The following ANK2 variants were observed in gnomAD, a reference collection of about 807,000 sequenced individuals.
ANK2 encodes ankyrin 2, also known as ankyrin-2.
Under a neutral mutation model 360.5 loss-of-function variants are expected in ANK2, and 83 were observed. The ratio of observed to expected loss-of-function variants is 0.23; its 90% confidence interval spans 0.19 to 0.28. The LOEUF (loss-of-function observed/expected upper bound fraction) is 0.28, where lower values mean the gene tolerates loss of function less well. Ranked by LOEUF, ANK2 falls within the 10% of genes least tolerant of loss-of-function variation. ANK2 has a pLI of 1.00. For synonymous variants in ANK2, 1,740 were observed against 1,759.5 expected, an observed-to-expected ratio of 0.99 and a Z score of 0.28; for missense variants, 4,201 against 4,795.7, an observed-to-expected ratio of 0.88 and a Z score of 3.66.
At chr4:113,287,055 G>A (rs1164350553) in intron 18 of ANK2, among the ~76,000 whole-genome samples, 2 of 152,166 alleles carry the variant, frequency 1.3e-5, no homozygotes, top group Non-Finnish European at 2.9e-5. Flanking sequence ...TGATGGTGCT[G>A]TATAAATAAT....
At chr4:112,927,061 A>G (rs775583214) in intron 2 of ANK2, among the ~76,000 whole-genome samples, 2 of 152,158 alleles carry the variant, frequency 1.3e-5, no homozygotes, top group African/African-American at 2.4e-5. Context: ...CTGGTGGGAA[A>G]TTACTCATTA....
rs897929715 is a variant in ANK2, at chr4:112,941,209, A to G, written c.21+36695A>G. On this transcript the variant is annotated intron_variant, in intron 2 of 30. Coordinates refer to the ANK2 transcript ENST00000503271. The stretch of plus-strand genomic sequence containing the variant: ...AAAGGATATTAAAAAAGAACATTTA[A>G]CTATATGAACCTAATTCGGTTAAAA... Among the ~76,000 whole-genome samples the G allele has an allele frequency of 6.0e-5, 9 of 151,084 alleles. No homozygotes were observed. In the East Asian group the frequency reaches 1.7e-3, roughly 29 times the overall value.
chr4:113,019,025 T>C (rs529650573), intron 2 of ANK2, among the ~76,000 whole-genome samples: 2 of 152,208 alleles, frequency 1.3e-5, no homozygotes, highest in Admixed American at 6.5e-5. Flanking sequence ...AACTTCCTTT[T>C]TGAGCATTTA....
At chr4:112,997,189 T>C (rs777046013) in intron 2 of ANK2, among the ~76,000 whole-genome samples, 1 of 152,196 alleles carries the variant, frequency 6.6e-6, no homozygotes, top group Non-Finnish European at 1.5e-5. Flanking sequence ...ATGTATGCAC[T>C]GTGGAATGGC....
At chr4:113,284,180 G>T (rs188139321) in intron 18 of ANK2, among the ~76,000 whole-genome samples, 1 of 152,310 alleles carries the variant, frequency 6.6e-6, no homozygotes, top group Admixed American at 6.5e-5. Flanking sequence ...GAAATTCCGT[G>T]TATCAGATGG....
At chr4:113,249,236 A>C (rs1415495844) in intron 9 of ANK2, among the ~76,000 whole-genome samples, 1 of 152,242 alleles carries the variant, frequency 6.6e-6, no homozygotes, top group Non-Finnish European at 1.5e-5. Context: ...TCACTTTTGC[A>C]AGCATTAGGA....
chr4:113,034,618 T>A (rs1238273789), intron 2 of ANK2: 7 of 152,016 alleles, frequency 4.6e-5, no homozygotes, highest in African/African-American at 1.7e-4. Flanking sequence ...AGCAGGTGCA[T>A]AATAATGTTT....
the ANK2 span, among the ~76,000 whole-genome samples, chr4:112,763,964 G>C: frequency 6.6e-6 from 1 of 152,012 alleles, no homozygotes; most frequent in Admixed American, 6.6e-5. Context: ...TTTGTTTTGA[G>C]AGGGAGTCTG....
At position 113,282,761 on chromosome 4, in the gene ANK2, C is replaced by T. The variant is rs2062888587; in HGVS notation, c.1968C>T (p.Asn656=). The T allele has an allele frequency of 6.2e-7, 1 of 1,613,790 alleles. No homozygotes were observed. Among genetic ancestry groups the T allele is most frequent in the South Asian group, 1.1e-5 (1 of 91,074 alleles). The change falls in exon 18 of 46, where the codon AAC becomes AAT. Residue 656 remains asparagine (N), a synonymous_variant. Coordinates refer to ENST00000357077, the MANE Select transcript of ANK2 (RefSeq NM_001148.6). ...TCCTGAACTATGGAGCAGAGACAAA[C>T]ATTGTGACAAAGCAAGGAGTAACTC... The part of the protein sequence containing the change: ...STLLNYGAET[N]IVTKQGVTPL...
chr4:113,231,307 C>G (rs2099300481), intron 4 of ANK2, among the ~76,000 whole-genome samples: 1 of 152,086 alleles, frequency 6.6e-6, no homozygotes, highest in Non-Finnish European at 1.5e-5. Flanking sequence ...CCACCTCGAC[C>G]TCCCAAAGTG....
At chr4:113,102,311 C>G (rs905282096) in intron 1 of ANK2, among the ~76,000 whole-genome samples, 1 of 151,982 alleles carries the variant, frequency 6.6e-6, no homozygotes, top group African/African-American at 2.4e-5. Flanking sequence ...GTACTATTCA[C>G]TTAGATGGGG....
At position 113,264,954 on chromosome 4, in the gene ANK2, T is replaced by A; in HGVS notation, c.1444T>A (p.Cys482Ser). Residue 482 changes from cysteine to serine, a missense_variant, in exon 14 of 46, where the codon TGC (cysteine) becomes AGC (serine). Cys to Ser is a moderately radical substitution (Grantham distance 112, BLOSUM62 -1). Around this residue, in one of 4 missense-constraint regions of ANK2, gnomAD observed 1,268 missense variants for 1,650.8 expected, o/e 0.77. Transcript: ENST00000357077. ...AGCCGGGCAGGTGGAAGTGGTCCGA[T>A]GCCTCCTGAGAAATGGTGCCCTTGT... Reference protein sequence around the residue: ...ARAGQVEVVRCLLRNGALVDA... With the variant: ...ARAGQVEVVRSLLRNGALVDA... 1 of 1,568,764 alleles carries A rather than the reference T, an allele frequency of 6.4e-7. No homozygotes were observed. The highest frequency in any genetic ancestry group is 8.7e-7 in the Non-Finnish European group (1 of 1,155,724).
At chr4:112,875,593 C>T (rs374695814) in intron 1 of ANK2, among the ~76,000 whole-genome samples, 1 of 152,118 alleles carries the variant, frequency 6.6e-6, no homozygotes, top group South Asian at 2.1e-4. Context: ...ACCTCAGCCT[C>T]CCAAAGTGTT....
the ANK2 span, among the ~76,000 whole-genome samples, chr4:112,794,245 T>C: frequency 2.6e-5 from 4 of 152,236 alleles, no homozygotes; most frequent in Non-Finnish European, 2.9e-5. Context: ...TGCATGGATT[T>C]CTAACTTGGA....
chr4:112,878,517 A>G (rs9760421), intron 1 of ANK2, among the ~76,000 whole-genome samples: 88,367 of 151,492 alleles, frequency 0.58, 26,629 homozygotes, highest in East Asian at 0.84. Context: ...AGTAGAAGGG[A>G]GTTTCACCAT....
chr4:112,996,901 C>T (rs916326633), intron 2 of ANK2, among the ~76,000 whole-genome samples: 2 of 152,096 alleles, frequency 1.3e-5, no homozygotes, highest in African/African-American at 4.8e-5. Context: ...CCCCAGCCCC[C>T]TACTACCTTT....
chr4:112,863,514 C>CTTTTT (rs952398354), intron 1 of ANK2, among the ~76,000 whole-genome samples: 5 of 106,988 alleles, frequency 4.7e-5, no homozygotes, highest in Non-Finnish European at 7.7e-5. Flanking sequence ...TTTAGAGTAT[C>CTTTTT]TTTTTTTTTT....
At chr4:113,365,961 C>G (rs767364385) in intron 41 of ANK2, among the ~76,000 whole-genome samples, 7 of 152,156 alleles carry the variant, frequency 4.6e-5, no homozygotes, top group Non-Finnish European at 1.0e-4. Flanking sequence ...GATTTCATCT[C>G]CTTTTACTCA....
intron 41 of ANK2, among the ~76,000 whole-genome samples, chr4:113,366,240 T>C (rs1313493385): frequency 6.6e-6 from 1 of 152,174 alleles, no homozygotes; most frequent in African/African-American, 2.4e-5. Flanking sequence ...GTCAATCTTA[T>C]AAAATTCACC....
Sources: gnomAD v4.1 joint callset for allele counts (sites outside exome capture counted in the v4.1 genomes callset) on GRCh38, gnomAD v4.1.1 for gene constraint, gnomAD v4.1.1 regional missense constraint, MANE v1.5 for transcripts, NCBI Gene and HGNC (gene_info 2026-07-23, HGNC 2026-07-21) for gene names.